Variants in MARK3 observed in about 807,000 individuals in gnomAD.
MARK3 encodes the protein microtubule affinity regulating kinase 3, also known as MAP/microtubule affinity-regulating kinase 3.
Under a neutral mutation model 90.1 loss-of-function variants are expected in MARK3, and 46 were observed. The observed-to-expected ratio is 0.51, with a 90% CI of 0.40 to 0.65. The LOEUF (loss-of-function observed/expected upper bound fraction) is 0.65, where lower values mean the gene tolerates loss of function less well. Ranked by LOEUF, MARK3 falls within the 30% of genes least tolerant of loss-of-function variation. The probability of loss-of-function intolerance (pLI) is 0.00; values close to 1 mark genes in which losing one functional copy is unlikely to be tolerated. For missense variants in MARK3, 818 were observed against 947.2 expected (o/e 0.86, Z 1.79); for synonymous variants, 321 against 332.6 (o/e 0.97, Z 0.38).
intron 13 of MARK3, among the ~76,000 whole-genome samples, chr14:103,477,812 C>T (rs985646443): frequency 4.6e-5 from 7 of 151,804 alleles, no homozygotes; most frequent in East Asian, 1.9e-4. Flanking sequence ...AGAGTGAGAC[C>T]TCATCTCTAC....
intron 2 of MARK3, among the ~76,000 whole-genome samples, chr14:103,424,500 TGGACAACA>T (rs1467911458): frequency 6.7e-6 from 1 of 149,104 alleles, no homozygotes; most frequent in Admixed American, 6.8e-5. Flanking sequence ...CACTCCACCC[TGGACAACA>T]GAATGAGACC....
At chr14:103,464,338 G>C (rs1050111749) in intron 7 of MARK3, among the ~76,000 whole-genome samples, 2 of 104,158 alleles carry the variant, frequency 1.9e-5, no homozygotes, top group South Asian at 3.3e-4. Context: ...TCACTTTGTT[G>C]CCCTGGCTAG....
intron 1 of MARK3, among the ~76,000 whole-genome samples, chr14:103,389,478 A>T (rs1316124399): frequency 7.5e-6 from 1 of 132,866 alleles, no homozygotes; most frequent in Non-Finnish European, 1.5e-5. Context: ...CAGTGAGCCG[A>T]TATCATGCCA....
rs780850846 is a variant in MARK3 at position 103,475,119 on chromosome 14, G to C, written c.1391G>C (p.Gly464Ala). ...KSSGSAVGGK[G>A]IAPASPMLGN... is the part of the protein sequence containing the mutation. ...AGTGGCAGTGCTGTTGGAGGAAAGG[G>C]AATTGCTCCAGCCAGTCCCATGCTT... Residue 464 changes from glycine to alanine, a missense_variant, in exon 13 of 18, where the codon GGA (glycine) becomes GCA (alanine). This residue lies in a region of MARK3 where 560 missense variants were observed against 613.5 expected (regional missense o/e 0.91). Coordinates refer to ENST00000429436, the MANE Select transcript of MARK3 (RefSeq NM_001128918.3). The C allele has an allele frequency of 6.2e-7, 1 of 1,613,982 alleles. No individual in the cohort carries two copies. The highest frequency in any genetic ancestry group is 1.3e-5 in the African/African-American group (1 of 74,932).
At chr14:103,447,992 C>T (rs948371220) in intron 3 of MARK3, among the ~76,000 whole-genome samples, 1 of 152,120 alleles carries the variant, frequency 6.6e-6, no homozygotes, top group Non-Finnish European at 1.5e-5. Context: ...AGGCTGGTCT[C>T]GACCTCCTGA....
intron 15 of MARK3, among the ~76,000 whole-genome samples, chr14:103,493,232 G>A (rs540896272): frequency 6.0e-4 from 83 of 138,018 alleles, no homozygotes; most frequent in African/African-American, 2.1e-3. Context: ...ATAGATTAGG[G>A]AGTATTCCTT....
At chr14:103,412,340 G>A (rs1321003268) in intron 2 of MARK3, 12 of 629,320 alleles carry the variant, frequency 1.9e-5, no homozygotes, top group East Asian at 1.1e-4. Context: ...TTTGGCCACC[G>A]TGTTTTCATC....
At chr14:103,412,046 T>C (rs1477730167) in intron 2 of MARK3, 2 of 394,866 alleles carry the variant, frequency 5.1e-6, no homozygotes, top group Non-Finnish European at 8.7e-6. Flanking sequence ...ATTAGATTAG[T>C]TTTCATGGGA....
At chr14:103,439,391 C>A (rs1165838547) in intron 3 of MARK3, among the ~76,000 whole-genome samples, 1 of 151,422 alleles carries the variant, frequency 6.6e-6, no homozygotes, top group Non-Finnish European at 1.5e-5. Context: ...TTTTTTTGGT[C>A]TGTTTTTTGT....
chr14:103,451,207 A>G (rs1199574814), intron 4 of MARK3, among the ~76,000 whole-genome samples: 1 of 152,158 alleles, frequency 6.6e-6, no homozygotes, highest in African/African-American at 2.4e-5. Context: ...TGCTGGGATT[A>G]CAGGTGTGAG....
At chr14:103,475,281 T>G (rs2093695234) in intron 13 of MARK3, 71 bp downstream of exon 13, 1 of 1,297,844 alleles carries the variant, frequency 7.7e-7, no homozygotes, top group African/African-American at 1.5e-5. Context: ...CAGGTGTTCA[T>G]TTTACTCCTG....
intron 1 of MARK3, among the ~76,000 whole-genome samples, chr14:103,398,131 A>C (rs2090704885): frequency 6.6e-6 from 1 of 152,120 alleles, no homozygotes. Flanking sequence ...TGCACATGTT[A>C]ATTTTCTCCA....
chr14:103,438,275 T>A (rs963759938), intron 3 of MARK3, among the ~76,000 whole-genome samples: 1 of 152,204 alleles, frequency 6.6e-6, no homozygotes, highest in Non-Finnish European at 1.5e-5. Flanking sequence ...AGTGCTGGGA[T>A]TACAGGCGTG....
chr14:103,429,653 A>G (rs984330615), intron 3 of MARK3, among the ~76,000 whole-genome samples: 2 of 152,198 alleles, frequency 1.3e-5, no homozygotes, highest in Non-Finnish European at 2.9e-5. Flanking sequence ...GTGGGCATGA[A>G]ACATCTAAAA....
In MARK3 at chr14:103,441,779, C is replaced by G. The variant is rs191335899; in HGVS notation, c.298-7140C>G. Among the ~76,000 whole-genome samples, 6 of 152,282 alleles carry G rather than the reference C, an allele frequency of 3.9e-5. No individual in the cohort carries two copies. The East Asian group carries it at 1.2e-3, about 29-fold the overall frequency. ...CTCTCCTTTCTTTGCTGATCTGCAT[C>G]GTGGACAGAGTCTCCGTGTCTAAAC... On this transcript the variant is annotated intron_variant, in intron 3 of 17. Coordinates refer to ENST00000429436, the MANE Select transcript of MARK3 (RefSeq NM_001128918.3).
intron 16 of MARK3, chr14:103,499,914 G>C (rs2142139303): frequency 1.7e-5 from 9 of 536,296 alleles, no homozygotes; most frequent in South Asian, 1.6e-4. Flanking sequence ...CAATGTGTGT[G>C]ATGTATGCAG....
At chr14:103,388,074 G>A (rs1226199865) in intron 1 of MARK3, among the ~76,000 whole-genome samples, 1 of 152,224 alleles carries the variant, frequency 6.6e-6, no homozygotes, top group East Asian at 1.9e-4. Flanking sequence ...CAGGATTACA[G>A]GCATGTGCCA....
At position 103,480,398 on chromosome 14, in the gene MARK3, A is replaced by T; in HGVS notation, c.1494A>T (p.Ala498=). Residue 498 remains alanine (A), a synonymous_variant, in exon 14 of 18, where the codon GCA becomes GCT. Transcript: ENST00000429436. ...KSSTVPSSNT[A]SGGMTRRNTY... ...GCCCTTTTTTATAGAGTAACACAGCATCTGGTGGAATGACACGACGAAATA... is the reference window on the plus strand; with the variant it reads ...GCCCTTTTTTATAGAGTAACACAGCTTCTGGTGGAATGACACGACGAAATA... 1.2e-6 allele frequency: 2 copies of T among 1,610,232 alleles called. No homozygotes were observed. The highest frequency in any genetic ancestry group is 1.7e-6 in the Non-Finnish European group (2 of 1,176,664).
chr14:103,455,153 A>G (rs1344001975), intron 5 of MARK3, among the ~76,000 whole-genome samples: 1 of 152,176 alleles, frequency 6.6e-6, no homozygotes, highest in Non-Finnish European at 1.5e-5. Context: ...AAATCTGTCA[A>G]TTATATTGAC....
Sources: allele counts gnomAD v4.1 joint callset (sites outside exome capture counted in the v4.1 genomes callset), GRCh38; gene constraint gnomAD v4.1.1; regional missense constraint gnomAD v4.1.1; transcripts MANE v1.5; gene names NCBI Gene and HGNC (gene_info 2026-07-23, HGNC 2026-07-21).